Variants in ARB2A observed in about 807,000 individuals in gnomAD.
The protein encoded by ARB2A is ARB2 cotranscriptional regulator A, also known as cotranscriptional regulator ARB2A.
At chr5:93,980,289 G>C in the ARB2A span, among the ~76,000 whole-genome samples, 3 of 152,088 alleles carry the variant, frequency 2.0e-5, no homozygotes, top group Admixed American at 6.5e-5. Flanking sequence ...ATTTCCTCTG[G>C]TGTCTTCTGG....
chr5:94,044,242 G>A, the ARB2A span, among the ~76,000 whole-genome samples: 1 of 152,098 alleles, frequency 6.6e-6, no homozygotes, highest in Non-Finnish European at 1.5e-5. Flanking sequence ...TAGTTTACTT[G>A]GAATAATTTT....
chr5:93,691,937 C>T, the ARB2A span, among the ~76,000 whole-genome samples: 19 of 151,928 alleles, frequency 1.3e-4, no homozygotes, highest in African/African-American at 2.9e-4. Context: ...GCTTCATAAG[C>T]GAAGAAGAAA....
the ARB2A span, among the ~76,000 whole-genome samples, chr5:93,971,019 G>A: frequency 6.6e-6 from 1 of 151,292 alleles, no homozygotes; most frequent in African/African-American, 2.4e-5. Flanking sequence ...TTTAATTTGA[G>A]ATGGAGTCTT....
At chr5:93,793,401 G>T in the ARB2A span, among the ~76,000 whole-genome samples, 223 of 151,896 alleles carry the variant, frequency 1.5e-3, no homozygotes, top group African/African-American at 4.2e-3. Flanking sequence ...TTTAACTCCA[G>T]ATCCCGTCTT....
chr5:93,721,007 T>C, the ARB2A span, among the ~76,000 whole-genome samples: 3 of 152,162 alleles, frequency 2.0e-5, no homozygotes, highest in Non-Finnish European at 2.9e-5. Context: ...CAAAGCCTTG[T>C]TGTGAAAGGC....
the ARB2A span, among the ~76,000 whole-genome samples, chr5:93,871,138 G>A: frequency 2.0e-5 from 3 of 152,150 alleles, no homozygotes; most frequent in East Asian, 5.8e-4. Flanking sequence ...GTTAAAGTTG[G>A]AATTTTGGGA....
the ARB2A span, among the ~76,000 whole-genome samples, chr5:93,850,286 G>C: frequency 1.3e-5 from 2 of 152,166 alleles, no homozygotes; most frequent in African/African-American, 4.8e-5. Context: ...CCAATTCACA[G>C]TATACACTGA....
At chr5:93,999,328 G>A in the ARB2A span, among the ~76,000 whole-genome samples, 4 of 151,858 alleles carry the variant, frequency 2.6e-5, no homozygotes, top group Admixed American at 6.6e-5. Context: ...ATAAATGTCT[G>A]TATTCAGTGA....
At chr5:93,889,269 T>C in the ARB2A span, among the ~76,000 whole-genome samples, 3 of 151,860 alleles carry the variant, frequency 2.0e-5, no homozygotes, top group African/African-American at 7.2e-5. Flanking sequence ...ATGTAATGTT[T>C]GAGGATGTGT....
chr5:93,796,053 T>C, the ARB2A span, among the ~76,000 whole-genome samples: 1 of 152,206 alleles, frequency 6.6e-6, no homozygotes, highest in Admixed American at 6.5e-5. Flanking sequence ...GCATCTGGCG[T>C]AATACGCTGA....
chr5:93,680,063 C>T, the ARB2A span, among the ~76,000 whole-genome samples: 1 of 152,010 alleles, frequency 6.6e-6, no homozygotes, highest in African/African-American at 2.4e-5. Context: ...ACAACTGGAG[C>T]TTTCACATTT....
chr5:93,782,048 A>G, the ARB2A span: 1 of 383,386 alleles, frequency 2.6e-6, no homozygotes, highest in African/African-American at 2.2e-5. Context: ...CCACACTGTA[A>G]TCTTCTCTAC....
chr5:93,893,768 G>T, the ARB2A span, among the ~76,000 whole-genome samples: 1 of 152,104 alleles, frequency 6.6e-6, no homozygotes, highest in Non-Finnish European at 1.5e-5. Flanking sequence ...TTTAGCCAAA[G>T]GTGGCTGTAT....
chr5:93,713,970 C>A, the ARB2A span, among the ~76,000 whole-genome samples: 1 of 152,130 alleles, frequency 6.6e-6, no homozygotes, highest in Non-Finnish European at 1.5e-5. Context: ...CCCTCAGGGG[C>A]CAATAGGACT....
At chr5:94,051,677 T>C in the ARB2A span, among the ~76,000 whole-genome samples, 1 of 152,198 alleles carries the variant, frequency 6.6e-6, no homozygotes, top group Non-Finnish European at 1.5e-5. Flanking sequence ...TATAAAATAT[T>C]TCCATTTTAC....
At chr5:93,749,423 G>T in the ARB2A span, among the ~76,000 whole-genome samples, 1 of 152,038 alleles carries the variant, frequency 6.6e-6, no homozygotes, top group Non-Finnish European at 1.5e-5. Flanking sequence ...TGTTGTCTGG[G>T]GAATTGATGT....
At chr5:93,937,927 C>G in the ARB2A span, among the ~76,000 whole-genome samples, 3 of 152,060 alleles carry the variant, frequency 2.0e-5, no homozygotes, top group Non-Finnish European at 4.4e-5. Context: ...ATATTTAGTA[C>G]AGAAGAAACC....
At chr5:93,620,939 G>T in the ARB2A span, 3 of 1,595,002 alleles carry the variant, frequency 1.9e-6, no homozygotes, top group East Asian at 2.3e-5. Context: ...GTGAGGAGGC[G>T]TGCGGGTGGG....
the ARB2A span, among the ~76,000 whole-genome samples, chr5:93,819,333 T>C: frequency 2.0e-5 from 3 of 152,224 alleles, no homozygotes; most frequent in African/African-American, 7.2e-5. Context: ...AAGATATTTC[T>C]AGATCATTTG....
Sources: gnomAD v4.1 joint callset for allele counts (sites outside exome capture counted in the v4.1 genomes callset) on GRCh38, gnomAD v4.1.1 for gene constraint, MANE v1.5 for transcripts, NCBI Gene and HGNC (gene_info 2026-07-23, HGNC 2026-07-21) for gene names.